The following PRUNE1 variants were observed in gnomAD, a reference collection of about 807,000 sequenced individuals.
PRUNE1 encodes the protein exopolyphosphatase PRUNE1.
PRUNE1 carries 25 observed loss-of-function variants against 42.5 expected under a neutral mutation model. The ratio of observed to expected loss-of-function variants is 0.59; its 90% CI spans 0.43 to 0.82. PRUNE1 has a LOEUF of 0.82. PRUNE1 is among the 40% of genes least tolerant of loss of function. PRUNE1 has a pLI of 0.00. For synonymous variants in PRUNE1, 203 were observed against 217.1 expected, an observed-to-expected ratio of 0.93 and a Z score of 0.57; for missense variants, 443 against 539.3, an observed-to-expected ratio of 0.82 and a Z score of 1.77.
chr1:151,030,923 A>G (rs1196610649), intron 7 of PRUNE1, among the ~76,000 whole-genome samples: 3 of 152,230 alleles, frequency 2.0e-5, no homozygotes. Context: ...TAATTCTGCT[A>G]TGATCATTAA....
At chr1:151,019,350 G>T (rs1328754879) in intron 3 of PRUNE1, among the ~76,000 whole-genome samples, 1 of 151,950 alleles carries the variant, frequency 6.6e-6, no homozygotes, top group Non-Finnish European at 1.5e-5. Context: ...TAAGCTCCAG[G>T]AGTTCAAGAC....
At chr1:151,032,947 T>C (rs1245886822) in intron 7 of PRUNE1, among the ~76,000 whole-genome samples, 1 of 151,414 alleles carries the variant, frequency 6.6e-6, no homozygotes, top group Non-Finnish European at 1.5e-5. Flanking sequence ...CTAATTTTTG[T>C]ATTTTTCGTA....
chr1:151,024,894 C>A, intron 4 of PRUNE1, 99 bp downstream of exon 4: 1 of 1,256,992 alleles, frequency 8.0e-7, no homozygotes. Flanking sequence ...ACCATATGCT[C>A]TCAGAGCCAT....
In PRUNE1 at chr1:151,027,781, T is replaced by TGTGTGTGC. The variant is rs764369341; in HGVS notation, c.774+455_774+456insTGTGTGCG. 1.6e-3 allele frequency among the ~76,000 whole-genome samples: 230 copies of TGTGTGTGC among 142,590 alleles called. 1 individual carries two copies. Among genetic ancestry groups the TGTGTGTGC allele is most frequent in the South Asian group, 7.1e-3 (31 of 4,380 alleles). The allele number at this position is 142,590 out of a possible 152,430, so 93.5% of individuals were successfully genotyped here. A position where few individuals can be genotyped will look rare whatever the true frequency, so the allele number is the denominator to read the frequency against. On this transcript the variant is annotated intron_variant, in intron 6 of 7. Coordinates refer to ENST00000271620, the MANE Select transcript of PRUNE1 (RefSeq NM_021222.3). ...GTGTGTGTGTGTGTGTGTGTGTGTG[T>TGTGTGTGC]GCGCGCGCGTGTATGTATGTGTCGA...
At chr1:151,012,782 G>C (rs950323586) in intron 1 of PRUNE1, among the ~76,000 whole-genome samples, 1 of 151,790 alleles carries the variant, frequency 6.6e-6, no homozygotes, top group African/African-American at 2.4e-5. Context: ...TTTTTTGTTT[G>C]TTTTTTTGAG....
chr1:151,030,256 C>T lies in PRUNE1; in HGVS notation c.933+1312C>T, dbSNP rs114075032. On this transcript the variant is annotated intron_variant, in intron 7 of 7. Coordinates refer to ENST00000271620, the MANE Select transcript of PRUNE1 (RefSeq NM_021222.3). ...CCATCCTGCCAACAGAGCAAGACTC[C>T]GTCTCCAAAAAAAAAAAAAAAAAAG... 5.0e-3 allele frequency among the ~76,000 whole-genome samples: 714 copies of T among 141,896 alleles called. 5 individuals are homozygous for T. The highest frequency in any genetic ancestry group is 0.023 in the Middle Eastern group (6 of 264). The allele number at this position is 141,896 out of a possible 152,430, so 93.1% of individuals were successfully genotyped here. A position where few individuals can be genotyped will look rare whatever the true frequency, so the allele number is the denominator to read the frequency against.
intron 6 of PRUNE1, among the ~76,000 whole-genome samples, chr1:151,028,580 T>C (rs1015135857): frequency 1.3e-5 from 2 of 152,110 alleles, no homozygotes; most frequent in African/African-American, 2.4e-5. Flanking sequence ...TATGCCCCCA[T>C]GCCCGGCTAA....
chr1:151,024,905 T>G (rs1674729458), intron 4 of PRUNE1, 110 bp downstream of exon 4: 1 of 1,134,592 alleles, frequency 8.8e-7, no homozygotes, highest in Non-Finnish European at 1.2e-6. Flanking sequence ...TCAGAGCCAT[T>G]CAGCTCATAC....
intron 6 of PRUNE1, among the ~76,000 whole-genome samples, chr1:151,028,235 A>ATGTT (rs762893321): frequency 4.3e-4 from 66 of 151,952 alleles, no homozygotes; most frequent in Admixed American, 1.6e-3. Flanking sequence ...TTATGTATGT[A>ATGTT]TGTTTGTTTG....
chr1:151,027,019 C>T (rs1674885179), intron 5 of PRUNE1, among the ~76,000 whole-genome samples: 1 of 152,022 alleles, frequency 6.6e-6, no homozygotes, highest in Non-Finnish European at 1.5e-5. Context: ...CTCCTGACCT[C>T]AGGTGATCCG....
At chr1:151,031,818 A>G (rs1558090638) in intron 7 of PRUNE1, among the ~76,000 whole-genome samples, 1 of 152,238 alleles carries the variant, frequency 6.6e-6, no homozygotes, top group Non-Finnish European at 1.5e-5. Context: ...ACACTAGATT[A>G]GAAGCTGGGG....
In PRUNE1 at chr1:151,025,655, G is replaced by A; in HGVS notation, c.661G>A (p.Ala221Thr). The A allele has an allele frequency of 6.2e-7, 1 of 1,613,184 alleles. No homozygotes were observed. ...RNDIFDSLQK[A>T]KFDVSGLTTE... ...TGATATATTTGATTCCCTACAAAAG[G>A]CAAAGTTTGATGTATCAGGTATGAA... The change falls in exon 5 of 8, where the codon GCA (alanine) becomes ACA (threonine). Residue 221 changes from alanine (A) to threonine (T), a missense_variant. Physicochemically the swap from Ala to Thr is moderately conservative, Grantham distance 58. Coordinates refer to ENST00000271620, the MANE Select transcript of PRUNE1 (RefSeq NM_021222.3).
chr1:151,018,406 T>C, intron 2 of PRUNE1, 61 bp from the exon 3 acceptor site: 1 of 1,407,510 alleles, frequency 7.1e-7, no homozygotes, highest in Non-Finnish European at 1.0e-6. Context: ...CCCAGTAGTC[T>C]TGTTACTTTT....
Position 151,025,687 on chromosome 1 carries a change from G to A in PRUNE1, c.679+14G>A. ...TTGATGTATCAGGTATGAAATGTTAGCTGACTTTTCTGCCTCCCAGATAAG... is the reference window on the plus strand; with the variant it reads ...TTGATGTATCAGGTATGAAATGTTAACTGACTTTTCTGCCTCCCAGATAAG... On this transcript the variant is annotated intron_variant, in intron 5 of 7. Transcript: ENST00000271620. 6.2e-7 allele frequency: 1 copy of A among 1,602,484 alleles called. No homozygotes were observed. Among genetic ancestry groups the A allele is most frequent in the African/African-American group, 1.3e-5 (1 of 74,262 alleles).
In PRUNE1 at chr1:151,035,080, T is replaced by C. The variant is rs1675474585; in HGVS notation, c.*846T>C. 6.6e-6 allele frequency: 1 copy of C among 152,242 alleles called. No homozygotes were observed. Among genetic ancestry groups the C allele is most frequent in the African/African-American group, 2.4e-5 (1 of 41,472 alleles). The allele number at this position is 152,242 out of a possible 1,614,324, so 9.4% of individuals were successfully genotyped here. Reference sequence around the variant, plus strand: ...TCAATTTCTTGTCAATCTCTTTTTTTCCTTGCTCACATTAAAAGGAAGCAT... The same window carrying C: ...TCAATTTCTTGTCAATCTCTTTTTTCCCTTGCTCACATTAAAAGGAAGCAT... On this transcript the variant is annotated 3_prime_UTR_variant, in exon 8 of 8. Transcript: ENST00000271620.
In PRUNE1 at chr1:151,008,618, A is replaced by T. The variant is rs1673498779; in HGVS notation, c.-15A>T. 6.2e-7 allele frequency: 1 copy of T among 1,614,180 alleles called. No homozygotes were observed. The highest frequency in any genetic ancestry group is 1.3e-5 in the African/African-American group (1 of 75,046). ...TCTACTCGACCAGGGGCGACGGCGT[A>T]CTTTGGGCTTCATCATGGAGGACTA... On this transcript the variant is annotated 5_prime_UTR_variant, in exon 1 of 8. Coordinates refer to ENST00000271620, the MANE Select transcript of PRUNE1 (RefSeq NM_021222.3).
chr1:151,026,454 G>A (rs1368733846), intron 5 of PRUNE1, among the ~76,000 whole-genome samples: 3 of 151,232 alleles, frequency 2.0e-5, no homozygotes, highest in South Asian at 2.1e-4. Context: ...GCGAAACTCC[G>A]TCTCAAAAAA....
intron 1 of PRUNE1, among the ~76,000 whole-genome samples, chr1:151,011,165 A>G (rs114210677): frequency 0.012 from 1,788 of 152,326 alleles, 26 homozygotes; most frequent in African/African-American, 0.038. Flanking sequence ...GTTAAACTAC[A>G]GTTTAATTAT....
chr1:151,028,177 C>G (rs1407404672), intron 6 of PRUNE1, among the ~76,000 whole-genome samples: 1 of 152,078 alleles, frequency 6.6e-6, no homozygotes, highest in Non-Finnish European at 1.5e-5. Flanking sequence ...TTTTTCCTGA[C>G]CACCCTAACT....
Sources: gnomAD v4.1 joint callset for allele counts (sites outside exome capture counted in the v4.1 genomes callset) on GRCh38, gnomAD v4.1.1 for gene constraint, MANE v1.5 for transcripts, NCBI Gene and HGNC (gene_info 2026-07-23, HGNC 2026-07-21) for gene names.